Variants in WWP2 observed in about 807,000 individuals in gnomAD.
The protein encoded by WWP2 is NEDD4-like E3 ubiquitin-protein ligase WWP2.
WWP2 carries 57 observed loss-of-function variants against 121.0 expected under a neutral mutation model. That is an observed-to-expected ratio of 0.47 (90% CI 0.38 to 0.59). WWP2 has a LOEUF of 0.59. WWP2 is among the 20% of genes least tolerant of loss of function. The pLI is 0.00. For synonymous variants in WWP2, 449 were observed against 441.3 expected, an observed-to-expected ratio of 1.02 and a Z score of -0.22; for missense variants, 962 against 1,158.9, an observed-to-expected ratio of 0.83 and a Z score of 2.47.
At position 69,931,578 on chromosome 16, in the gene WWP2, C is replaced by T. The variant is rs1567441417; in HGVS notation, c.1591C>T (p.Gln531Ter). 1 of 1,613,828 alleles carries T rather than the reference C, an allele frequency of 6.2e-7. No homozygotes were observed. The highest frequency in any genetic ancestry group is 8.5e-7 in the Non-Finnish European group (1 of 1,179,988). Residue 531 changes from glutamine (Q) to a stop codon, truncating the protein, a stop_gained and splice_region_variant, in exon 15 of 24, where the codon CAG (glutamine) becomes TAG (stop). Transcript: ENST00000359154. LOFTEE classifies it high-confidence loss of function. The part of the protein sequence containing the change: ...RQTLFEDSFQ[Q>*]IMNMKPYDLR... ...GACGCTTTTCGAAGATTCCTTCCAA[C>T]AGGTTAGATCATGGTGCCCGAAACC...
At chr16:69,870,990 A>G (rs2057625261) in intron 6 of WWP2, among the ~76,000 whole-genome samples, 1 of 152,126 alleles carries the variant, frequency 6.6e-6, no homozygotes. Flanking sequence ...TCTTTTCTAG[A>G]TAAAACATGT....
At chr16:69,931,764 G>A in intron 15 of WWP2, 38 bp from the exon 16 acceptor site, 2 of 1,608,540 alleles carry the variant, frequency 1.2e-6, no homozygotes, top group East Asian at 4.5e-5. Context: ...GCTGTGGAAG[G>A]GAGAGTGGCA....
At chr16:69,831,155 G>A (rs929895311) in intron 4 of WWP2, among the ~76,000 whole-genome samples, 2 of 152,236 alleles carry the variant, frequency 1.3e-5, no homozygotes, top group East Asian at 1.9e-4. Flanking sequence ...TAATCCTGGC[G>A]TCCTTGGCCT....
Position 69,933,962 on chromosome 16 carries a change from C to T in WWP2, c.1683-8C>T, listed in dbSNP as rs772753506. Reference sequence around the variant, plus strand: ...TTATTCTTGTCTTTTCTGTCTCTTCCCTCACAGAGAGTGGTTTTTCCTCCT... The same window carrying T: ...TTATTCTTGTCTTTTCTGTCTCTTCTCTCACAGAGAGTGGTTTTTCCTCCT... On this transcript the variant is annotated splice_polypyrimidine_tract_variant and splice_region_variant and intron_variant, in intron 16 of 23. Coordinates refer to ENST00000359154, the MANE Select transcript of WWP2 (RefSeq NM_001270454.2). 1 of 1,612,628 alleles carries T rather than the reference C, an allele frequency of 6.2e-7. No homozygotes were observed. Among genetic ancestry groups the T allele is most frequent in the Non-Finnish European group, 8.5e-7 (1 of 1,178,874 alleles).
At chr16:69,906,535 G>A (rs1242822378) in intron 8 of WWP2, among the ~76,000 whole-genome samples, 2 of 152,210 alleles carry the variant, frequency 1.3e-5, no homozygotes, top group Non-Finnish European at 2.9e-5. Context: ...TTCATATACA[G>A]TTAGCTCTGC....
chr16:69,881,374 T>C (rs1364258155), intron 7 of WWP2, among the ~76,000 whole-genome samples: 4 of 152,208 alleles, frequency 2.6e-5, no homozygotes, highest in Non-Finnish European at 5.9e-5. Flanking sequence ...AATAATAATA[T>C]CTTCCTCATA....
chr16:69,841,368 T>C (rs1414359589), intron 5 of WWP2, among the ~76,000 whole-genome samples: 1 of 152,026 alleles, frequency 6.6e-6, no homozygotes, highest in Non-Finnish European at 1.5e-5. Flanking sequence ...AGCTGAGACT[T>C]GGAGGATGAG....
chr16:69,806,736 ATTT>A (rs1243816808), intron 4 of WWP2, among the ~76,000 whole-genome samples: 2 of 151,964 alleles, frequency 1.3e-5, no homozygotes, highest in Admixed American at 1.3e-4. Context: ...CGTCTGTAAT[ATTT>A]TTTACTTTAA....
chr16:69,915,364 A>C (rs541166990), intron 9 of WWP2, among the ~76,000 whole-genome samples: 1 of 152,366 alleles, frequency 6.6e-6, no homozygotes, highest in Non-Finnish European at 1.5e-5. Context: ...CTATATCCTC[A>C]TCCCTCATCT....
chr16:69,791,943 A>T (rs2055921349), intron 2 of WWP2, among the ~76,000 whole-genome samples: 2 of 149,982 alleles, frequency 1.3e-5, no homozygotes, highest in Admixed American at 6.6e-5. Context: ...GGGTGGAAAG[A>T]GCCAGCTTGA....
intron 4 of WWP2, among the ~76,000 whole-genome samples, chr16:69,816,752 C>G (rs533760680): frequency 1.3e-5 from 2 of 151,982 alleles, no homozygotes; most frequent in African/African-American, 4.8e-5. Context: ...CATATACACA[C>G]GTATACATAT....
At chr16:69,843,299 G>A (rs916299661) in intron 6 of WWP2, among the ~76,000 whole-genome samples, 2 of 151,906 alleles carry the variant, frequency 1.3e-5, no homozygotes, top group Admixed American at 1.3e-4. Context: ...TACAAATGAC[G>A]TAATGTTATT....
At chr16:69,915,883 T>A (rs2058472921) in intron 9 of WWP2, among the ~76,000 whole-genome samples, 3 of 152,048 alleles carry the variant, frequency 2.0e-5, no homozygotes, top group Non-Finnish European at 4.4e-5. Flanking sequence ...AAAATTTTTT[T>A]AAAAAATTAG....
At chr16:69,822,998 A>G (rs1328449380) in intron 4 of WWP2, among the ~76,000 whole-genome samples, 1 of 152,120 alleles carries the variant, frequency 6.6e-6, no homozygotes, top group Non-Finnish European at 1.5e-5. Flanking sequence ...TTAGCCAGGC[A>G]TGGTGGCACG....
intron 7 of WWP2, among the ~76,000 whole-genome samples, chr16:69,875,819 C>A (rs992956643): frequency 2.6e-5 from 4 of 152,192 alleles, no homozygotes; most frequent in Non-Finnish European, 5.9e-5. Flanking sequence ...AATCTTGAAC[C>A]CCTCAGAGCC....
chr16:69,930,281 A>C, intron 13 of WWP2, 23 bp downstream of exon 13: 1 of 1,611,940 alleles, frequency 6.2e-7, no homozygotes, highest in Non-Finnish European at 8.5e-7. Context: ...TGCAGGTAGC[A>C]GCAGTGTCAG....
At chr16:69,870,928 T>C (rs1180028329) in intron 6 of WWP2, among the ~76,000 whole-genome samples, 4 of 152,184 alleles carry the variant, frequency 2.6e-5, no homozygotes, top group African/African-American at 7.2e-5. Context: ...TCCACACTTT[T>C]CTTTGTGATT....
chr16:69,881,265 G>A (rs2057824203), intron 7 of WWP2, among the ~76,000 whole-genome samples: 1 of 152,142 alleles, frequency 6.6e-6, no homozygotes, highest in Non-Finnish European at 1.5e-5. Flanking sequence ...TTACTTCGTG[G>A]TGTTCTGGTT....
At position 69,787,458 on chromosome 16, in the gene WWP2, G is replaced by T. The variant is rs576463650; in HGVS notation, c.70+378G>T. Among the ~76,000 whole-genome samples the T allele has an allele frequency of 3.3e-5, 5 of 152,198 alleles. No homozygotes were observed. The South Asian group carries it at 1.0e-3, about 32-fold the overall frequency. ...AAAATAATTAGCCAGGCATAGTGGT[G>T]CATGCTAGCTGGTCCCAGCTACTAA... On this transcript the variant is annotated intron_variant, in intron 2 of 23. Transcript: ENST00000359154.
Sources: allele counts gnomAD v4.1 joint callset (sites outside exome capture counted in the v4.1 genomes callset), GRCh38; gene constraint gnomAD v4.1.1; transcripts MANE v1.5; gene names NCBI Gene and HGNC (gene_info 2026-07-23, HGNC 2026-07-21).